Variants in DNAH17 observed in about 807,000 individuals in gnomAD.
The protein encoded by DNAH17 is dynein axonemal heavy chain 17.
Under a neutral mutation model 485.6 loss-of-function variants are expected in DNAH17, and 376 were observed. That is an observed-to-expected ratio of 0.77 (90% CI 0.71 to 0.84). DNAH17 has a LOEUF of 0.84. Among genes scored for constraint, DNAH17 ranks in the 40% least tolerant of loss-of-function variants. The pLI is 0.00. For missense variants in DNAH17, 6,370 were observed against 5,839.3 expected, an observed-to-expected ratio of 1.09 and a Z score of -2.96; for synonymous variants, 3,031 against 2,405.9, an observed-to-expected ratio of 1.26 and a Z score of -7.60.
In DNAH17 at chr17:78,482,360, G is replaced by A. The variant is rs550078425; in HGVS notation, c.7650-1574C>T. Among the ~76,000 whole-genome samples, 3 of 152,286 alleles carry A rather than the reference G, an allele frequency of 2.0e-5. No homozygotes were observed. In the South Asian group the frequency reaches 6.2e-4, roughly 32 times the overall value. On this transcript the variant is annotated intron_variant, in intron 48 of 80. Coordinates refer to ENST00000389840, the MANE Select transcript of DNAH17 (RefSeq NM_173628.4). ...TTTTCCCCCATTATGCACTTTGTGTGTTGGAAGTTGACGTCTGTTAGTTTC... is the reference window on the plus strand; with the variant it reads ...TTTTCCCCCATTATGCACTTTGTGTATTGGAAGTTGACGTCTGTTAGTTTC...
At chr17:78,495,184 C>T (rs1191544250) in intron 38 of DNAH17, 87 bp from the exon 39 acceptor site, 6 of 1,445,428 alleles carry the variant, frequency 4.2e-6, no homozygotes, top group East Asian at 2.5e-5. Flanking sequence ...TAGGAGAGCA[C>T]ACCTCGACTG....
intron 11 of DNAH17, among the ~76,000 whole-genome samples, chr17:78,562,294 A>T (rs1281074669): frequency 1.3e-5 from 2 of 151,894 alleles, no homozygotes; most frequent in East Asian, 3.8e-4. Context: ...TTAAACAATT[A>T]AAAAATAGGC....
chr17:78,566,742 T>C lies in DNAH17; in HGVS notation c.1453-12A>G. The C allele has an allele frequency of 6.3e-7, 1 of 1,576,326 alleles. No individual in the cohort carries two copies. The highest frequency in any genetic ancestry group is 1.2e-5 in the South Asian group (1 of 86,622). The stretch of plus-strand genomic sequence containing the variant: ...TCACGGTCAAAATTCTAAAAGCAAA[T>C]GGAAATGTCAACCTTGTAATCAGCG... On this transcript the variant is annotated splice_polypyrimidine_tract_variant and intron_variant, in intron 10 of 80. Transcript: ENST00000389840.
chr17:78,478,927 T>C (rs1568120198), intron 51 of DNAH17, 98 bp downstream of exon 51: 3 of 922,326 alleles, frequency 3.3e-6, no homozygotes, highest in Non-Finnish European at 5.1e-6. Context: ...ACCACCATCA[T>C]CAGTCCACAC....
rs772235599 is a variant in DNAH17, at chr17:78,499,123, C to A, written c.5641-11G>T. 8 of 1,553,438 alleles carry A rather than the reference C, an allele frequency of 5.1e-6. No individual in the cohort carries two copies. Among genetic ancestry groups the A allele is most frequent in the Admixed American group, 1.9e-5 (1 of 51,508 alleles). On this transcript the variant is annotated splice_polypyrimidine_tract_variant and intron_variant, in intron 36 of 80. Transcript: ENST00000389840. ...GATATTTCCACAGGACTGGAAAGGG[C>A]GAGATGGAGAAAGGAAGAGCTGGGA...
At chr17:78,553,409 C>T (rs778046555) in intron 14 of DNAH17, among the ~76,000 whole-genome samples, 1 of 147,188 alleles carries the variant, frequency 6.8e-6, no homozygotes, top group Non-Finnish European at 1.5e-5. Flanking sequence ...TCAAGCAATT[C>T]TCCTGCCTCA....
At position 78,561,664 on chromosome 17, in the gene DNAH17, T is replaced by A. The variant is rs1008865558; in HGVS notation, c.1835+51A>T. 9 of 1,549,756 alleles carry A rather than the reference T, an allele frequency of 5.8e-6. No individual in the cohort carries two copies. The African/African-American group carries it at 9.5e-5, about 16-fold the overall frequency. On this transcript the variant is annotated intron_variant, in intron 12 of 80. Coordinates refer to ENST00000389840, the MANE Select transcript of DNAH17 (RefSeq NM_173628.4). ...GGGGTTGGGACAGTCCCTCTCGCTCTCCCGCACCATGGAGGCGGGGTGCCT... is the reference window on the plus strand; with the variant it reads ...GGGGTTGGGACAGTCCCTCTCGCTCACCCGCACCATGGAGGCGGGGTGCCT...
At chr17:78,472,963 C>T (rs575503209) in intron 54 of DNAH17, among the ~76,000 whole-genome samples, 1 of 152,324 alleles carries the variant, frequency 6.6e-6, no homozygotes, top group African/African-American at 2.4e-5. Flanking sequence ...GGACCAAGCC[C>T]AGGGCTTTTC....
chr17:78,454,672 A>G lies in DNAH17; in HGVS notation c.10204T>C (p.Leu3402=). ...PIPITNGLDP[L]SLLTDDADVA... ...TCCGCGTCATCTGTCAGCAGGCTCA[A>G]GGGATCCAGGCCATTCGTGATCGGG... Residue 3402 remains leucine, a synonymous_variant, in exon 64 of 81, where the codon TTG becomes CTG. Coordinates refer to ENST00000389840, the MANE Select transcript of DNAH17 (RefSeq NM_173628.4). 6.2e-7 allele frequency: 1 copy of G among 1,612,964 alleles called. No homozygotes were observed. Among genetic ancestry groups the G allele is most frequent in the Admixed American group, 1.7e-5 (1 of 60,020 alleles).
chr17:78,451,483 G>A lies in DNAH17; in HGVS notation c.10720C>T (p.Leu3574=), dbSNP rs1440878470. The A allele has an allele frequency of 4.3e-6, 7 of 1,611,450 alleles. No homozygotes were observed. In the Admixed American group the frequency reaches 5.0e-5, roughly 12 times the overall value. The change falls in exon 66 of 81, where the codon CTG becomes TTG. Residue 3574 remains leucine (L), a synonymous_variant. Coordinates refer to ENST00000389840, the MANE Select transcript of DNAH17 (RefSeq NM_173628.4). ...CAGGCCATTACCTTCAGCTGTTCCA[G>A]ATCTGGGCGCTCTTTGGCCACCACA... ...AAVVAKERPD[L]EQLKANLTKS...
Position 78,450,304 on chromosome 17 carries a change from T to C in DNAH17, c.10990A>G (p.Ile3664Val), listed in dbSNP as rs545588657. The C allele has an allele frequency of 5.0e-5, 81 of 1,614,024 alleles. 1 individual carries two copies. In the East Asian group the frequency reaches 1.6e-3, roughly 32 times the overall value. Residue 3664 changes from isoleucine to valine, a missense_variant, in exon 68 of 81, where the codon ATA (isoleucine) becomes GTA (valine). Physicochemically the swap from Ile to Val is conservative, Grantham distance 29. Coordinates refer to ENST00000389840, the MANE Select transcript of DNAH17 (RefSeq NM_173628.4). ...TTGATTTTGTTGAGATCGTTCAGTATGAAGTAGAGCAGAGATGCCCTCTCC... is the reference window on the plus strand; with the variant it reads ...TTGATTTTGTTGAGATCGTTCAGTACGAAGTAGAGCAGAGATGCCCTCTCC... ...AAERASLLYF[I>V]LNDLNKINPV...
chr17:78,478,958 G>T, intron 51 of DNAH17, 67 bp downstream of exon 51: 1 of 1,373,058 alleles, frequency 7.3e-7, no homozygotes, highest in South Asian at 1.2e-5. Flanking sequence ...GCTGTGATGA[G>T]GAAAGCACCT....
chr17:78,529,979 C>T (rs1010916369), intron 21 of DNAH17, among the ~76,000 whole-genome samples: 2 of 152,208 alleles, frequency 1.3e-5, no homozygotes, highest in African/African-American at 4.8e-5. Context: ...TGGAATTCAG[C>T]CAGGCAATGC....
Position 78,436,533 on chromosome 17 carries a change from A to G in DNAH17, c.12033+1108T>C, listed in dbSNP as rs545460642. Among the ~76,000 whole-genome samples, 3 of 152,194 alleles carry G rather than the reference A, an allele frequency of 2.0e-5. No individual in the cohort carries two copies. The South Asian group carries it at 6.2e-4, about 32-fold the overall frequency. On this transcript the variant is annotated intron_variant, in intron 74 of 80. Transcript: ENST00000389840. ...GACAGAGAAAATGCTGAGGTGCCAA[A>G]AGGAGAAATATCGACATGAGGACCT...
chr17:78,484,739 A>ACCCCCCCGGCCCCCCCCCCCCCCCCC, intron 48 of DNAH17, 129 bp downstream of exon 48: 1 of 347,798 alleles, frequency 2.9e-6, no homozygotes, highest in East Asian at 6.2e-5. Flanking sequence ...ACGTTGCAGC[A>ACCCCCCCGGCCCCCCCCCCCCCCCCC]CCCCCCCCAC....
rs112977232 is a variant in DNAH17 at position 78,426,529 on chromosome 17, C to T, written c.12843G>A (p.Thr4281=). 2.2e-5 allele frequency: 35 copies of T among 1,613,650 alleles called. No homozygotes were observed. Among genetic ancestry groups the T allele is most frequent in the Admixed American group, 1.5e-4 (9 of 59,974 alleles). ...TGGAGGGGTAGGCCCGGGCCACCCA[C>T]GTATCAGGCACGGTGTCATAGAAGA... The part of the protein sequence containing the change: ...TALFYDTVPD[T]WVARAYPSMM... Residue 4281 remains threonine, a synonymous_variant, in exon 79 of 81, where the codon ACG becomes ACA. Coordinates refer to ENST00000389840, the MANE Select transcript of DNAH17 (RefSeq NM_173628.4).
intron 25 of DNAH17, among the ~76,000 whole-genome samples, chr17:78,523,806 CT>C (rs1328599071): frequency 6.6e-6 from 1 of 152,200 alleles, no homozygotes; most frequent in Non-Finnish European, 1.5e-5. Context: ...ACTTGCGAGG[CT>C]GAGAGGCAGG....
At chr17:78,473,633 C>T (rs2088875028) in intron 54 of DNAH17, among the ~76,000 whole-genome samples, 1 of 150,766 alleles carries the variant, frequency 6.6e-6, no homozygotes, top group Non-Finnish European at 1.5e-5. Flanking sequence ...CAGCCCAGAT[C>T]ACAGAGCCAC....
chr17:78,480,662 G>A lies in DNAH17; in HGVS notation c.7752+22C>T, dbSNP rs78743838. On this transcript the variant is annotated intron_variant, in intron 49 of 80. Transcript: ENST00000389840. ...CCTCAGACTCATGGCAGGTGACGGG[G>A]ATGAGTATGGTTTCTGCTTACCTGA... 4.4e-3 allele frequency: 7,057 copies of A among 1,596,732 alleles called. 289 individuals carry two copies. The African/African-American group carries it at 0.083, about 19-fold the overall frequency.
Sources: allele counts gnomAD v4.1 joint callset (sites outside exome capture counted in the v4.1 genomes callset), GRCh38; gene constraint gnomAD v4.1.1; transcripts MANE v1.5; gene names NCBI Gene and HGNC (gene_info 2026-07-23, HGNC 2026-07-21).